The following CA10 variants were observed in gnomAD, a reference collection of about 807,000 sequenced individuals.
CA10 encodes the protein carbonic anhydrase-related protein 10.
In CA10, 14 loss-of-function variants were observed where a neutral mutation model predicts 44.2. The observed-to-expected ratio is 0.32, with a 90% CI of 0.21 to 0.50. The LOEUF is 0.50. CA10 is among the 20% of genes least tolerant of loss of function. CA10 has a pLI of 0.99. For missense variants in CA10, 350 were observed against 409.7 expected, an observed-to-expected ratio of 0.85 and a Z score of 1.26; for synonymous variants, 159 against 141.6, an observed-to-expected ratio of 1.12 and a Z score of -0.87.
At chr17:51,633,352 G>A (rs3815371) in intron 8 of CA10, 124 bp downstream of exon 8, 413,147 of 917,830 alleles carry the variant, frequency 0.45, 95,883 homozygotes, top group Non-Finnish European at 0.47. Context: ...GGAGTGTGAT[G>A]GCTATTGTCA....
chr17:51,959,430 C>T (rs1983799226), intron 2 of CA10, among the ~76,000 whole-genome samples: 1 of 151,662 alleles, frequency 6.6e-6, no homozygotes, highest in South Asian at 2.1e-4. Context: ...ACCTAAAGCC[C>T]TGCCATTTAT....
At chr17:52,077,508 AATTTT>A (rs780428177) in intron 1 of CA10, among the ~76,000 whole-genome samples, 5 of 152,106 alleles carry the variant, frequency 3.3e-5, no homozygotes, top group Non-Finnish European at 7.4e-5. Context: ...GTGCCAGTAC[AATTTT>A]ATTTATGAAA....
intron 2 of CA10, among the ~76,000 whole-genome samples, chr17:51,989,177 A>C (rs1167216386): frequency 6.9e-6 from 1 of 144,868 alleles, no homozygotes; most frequent in Admixed American, 6.8e-5. Context: ...TTTAACTTTT[A>C]AGTTCAGCGG....
chr17:52,124,164 C>T (rs913525914), intron 1 of CA10, among the ~76,000 whole-genome samples: 2 of 152,156 alleles, frequency 1.3e-5, no homozygotes, highest in Non-Finnish European at 2.9e-5. Flanking sequence ...ACTAGTTTAC[C>T]CTCTCTAGTC....
intron 4 of CA10, among the ~76,000 whole-genome samples, chr17:51,742,606 C>A (rs1238769657): frequency 6.6e-6 from 1 of 152,110 alleles, no homozygotes; most frequent in Non-Finnish European, 1.5e-5. Flanking sequence ...GTTGTTGGTT[C>A]TGAGATAATT....
intron 3 of CA10, among the ~76,000 whole-genome samples, chr17:51,894,555 C>A (rs908897103): frequency 6.6e-6 from 1 of 152,086 alleles, no homozygotes; most frequent in Non-Finnish European, 1.5e-5. Context: ...CAATTTTTTT[C>A]ATGTAAGGAG....
chr17:52,132,279 G>A (rs891233595), intron 1 of CA10, among the ~76,000 whole-genome samples: 8 of 152,194 alleles, frequency 5.3e-5, no homozygotes, highest in South Asian at 4.2e-4. Flanking sequence ...AGAGGAAGAC[G>A]CTGCAAGAGA....
intron 3 of CA10, among the ~76,000 whole-genome samples, chr17:51,841,776 C>A (rs1185944733): frequency 2.0e-5 from 3 of 152,160 alleles, no homozygotes; most frequent in African/African-American, 7.2e-5. Context: ...TATTGTCTCC[C>A]AGAGCAAGGT....
At chr17:51,866,246 A>T (rs2143851001) in intron 3 of CA10, among the ~76,000 whole-genome samples, 1 of 152,316 alleles carries the variant, frequency 6.6e-6, no homozygotes, top group Non-Finnish European at 1.5e-5. Context: ...TAGGTTAGGA[A>T]ATATTCCATC....
intron 1 of CA10, among the ~76,000 whole-genome samples, chr17:52,096,297 A>G (rs1988399474): frequency 6.6e-6 from 1 of 152,148 alleles, no homozygotes; most frequent in Admixed American, 6.5e-5. Flanking sequence ...TCACTAATGA[A>G]CACACACCTT....
intron 2 of CA10, among the ~76,000 whole-genome samples, chr17:51,932,924 G>C (rs979168283): frequency 6.6e-6 from 1 of 151,818 alleles, no homozygotes; most frequent in African/African-American, 2.4e-5. Context: ...AAAAAACACT[G>C]ACTTGATCTT....
intron 1 of CA10, among the ~76,000 whole-genome samples, chr17:52,140,755 T>C (rs953267408): frequency 2.0e-5 from 3 of 152,086 alleles, no homozygotes; most frequent in Admixed American, 2.0e-4. Flanking sequence ...CCCTGTAGGG[T>C]CTTTGCCAGA....
At chr17:52,022,421 C>T (rs1986170861) in intron 2 of CA10, among the ~76,000 whole-genome samples, 2 of 151,990 alleles carry the variant, frequency 1.3e-5, no homozygotes, top group South Asian at 4.1e-4. Flanking sequence ...TGATAAAAAC[C>T]CTCAACAAAG....
At position 52,157,744 on chromosome 17, in the gene CA10, A is replaced by T. The variant is rs753789532; in HGVS notation, c.43T>A (p.Phe15Ile). 1 of 1,614,080 alleles carries T rather than the reference A, an allele frequency of 6.2e-7. No homozygotes were observed. Among genetic ancestry groups the T allele is most frequent in the Non-Finnish European group, 8.5e-7 (1 of 1,179,956 alleles). The change falls in exon 1 of 9, where the codon TTC (phenylalanine) becomes ATC (isoleucine). Residue 15 changes from phenylalanine to isoleucine, a missense_variant. By Grantham distance (21) the Phe-to-Ile change is conservative (BLOSUM62 0). Coordinates refer to ENST00000451037, the MANE Select transcript of CA10 (RefSeq NM_020178.5). ...WEVLFLLQAN[F>I]IVCISAQQNS... is the part of the protein sequence containing the mutation. ...CCCGTACCTGATATGCAGACGATGA[A>T]ATTGGCTTGAAGAAGAAAAAGCACC...
At chr17:51,989,056 T>G (rs1171718373) in intron 2 of CA10, among the ~76,000 whole-genome samples, 1 of 151,952 alleles carries the variant, frequency 6.6e-6, no homozygotes, top group Non-Finnish European at 1.5e-5. Context: ...TTCTTCAAAA[T>G]ATGGTTCACA....
chr17:51,744,178 G>A (rs1313008728), intron 4 of CA10, among the ~76,000 whole-genome samples: 1 of 152,028 alleles, frequency 6.6e-6, no homozygotes, highest in African/African-American at 2.4e-5. Context: ...AGCCAGGTGT[G>A]GTGGTGCACA....
At chr17:51,805,257 A>G (rs1907082979) in intron 3 of CA10, among the ~76,000 whole-genome samples, 1 of 152,176 alleles carries the variant, frequency 6.6e-6, no homozygotes, top group Non-Finnish European at 1.5e-5. Context: ...TATTCTATTC[A>G]TTAACTTAAT....
chr17:52,080,756 T>C (rs1987953638), intron 1 of CA10, among the ~76,000 whole-genome samples: 1 of 152,168 alleles, frequency 6.6e-6, no homozygotes. Context: ...TGTCTACTTT[T>C]TCTTGACCTG....
At chr17:52,059,952 G>A (rs1335412958) in intron 2 of CA10, among the ~76,000 whole-genome samples, 1 of 152,134 alleles carries the variant, frequency 6.6e-6, no homozygotes, top group Non-Finnish European at 1.5e-5. Flanking sequence ...ACCTGTTAAT[G>A]CAAGTGATCT....
Sources: allele counts gnomAD v4.1 joint callset (sites outside exome capture counted in the v4.1 genomes callset), GRCh38; gene constraint gnomAD v4.1.1; transcripts MANE v1.5; gene names NCBI Gene and HGNC (gene_info 2026-07-23, HGNC 2026-07-21).